The following CABP5 variants were observed in gnomAD, a reference collection of about 807,000 sequenced individuals.
CABP5 encodes calcium binding protein 5, also known as calcium-binding protein 5.
In CABP5, 17 loss-of-function variants were observed where a neutral mutation model predicts 21.9. That is an observed-to-expected ratio of 0.78 (90% CI 0.53 to 1.17). CABP5 has a LOEUF of 1.17. Ranked by LOEUF, CABP5 falls within the 50% of genes most tolerant of loss-of-function variation. The probability of loss-of-function intolerance (pLI) is 0.00; values close to 1 mark genes in which losing one functional copy is unlikely to be tolerated. For missense variants in CABP5, 229 were observed against 228.9 expected (o/e 1.00, Z 0.00); for synonymous variants, 85 against 79.4 (o/e 1.07, Z -0.37).
At chr19:48,036,314 T>C (rs1281443830) in intron 4 of CABP5, among the ~76,000 whole-genome samples, 1 of 152,222 alleles carries the variant, frequency 6.6e-6, no homozygotes, top group East Asian at 1.9e-4. Context: ...ACCTGGCTTA[T>C]TTCACCCAGC....
Position 48,034,174 on chromosome 19 carries a change from G to T in CABP5, c.496+41C>A, listed in dbSNP as rs776250027. 2.0e-6 allele frequency: 3 copies of T among 1,474,904 alleles called. No individual in the cohort carries two copies. The South Asian group carries it at 4.2e-5, about 21-fold the overall frequency. The allele number at this position is 1,474,904 out of a possible 1,614,324, so 91.4% of individuals were successfully genotyped here. A position where few individuals can be genotyped will look rare whatever the true frequency, so the allele number is the denominator to read the frequency against. On this transcript the variant is annotated intron_variant, in intron 5 of 5. Transcript: ENST00000293255. ...CAGTGAGTTGGAAGTGGATTCCTGC[G>T]GTGGCTGCCCCCGCTCCCCACCACG...
At chr19:48,038,808 A>G (rs562385851) in intron 4 of CABP5, among the ~76,000 whole-genome samples, 26 of 152,124 alleles carry the variant, frequency 1.7e-4, no homozygotes, top group African/African-American at 5.8e-4. Flanking sequence ...GCCTGGGGAC[A>G]ACAGTGAAAC....
intron 4 of CABP5, among the ~76,000 whole-genome samples, chr19:48,035,365 A>G (rs1967395570): frequency 6.6e-6 from 1 of 152,242 alleles, no homozygotes; most frequent in Non-Finnish European, 1.5e-5. Context: ...TGGGAGGCCA[A>G]GGCGGGTGGA....
At chr19:48,032,199 T>A (rs1369613007) in intron 5 of CABP5, among the ~76,000 whole-genome samples, 1 of 151,756 alleles carries the variant, frequency 6.6e-6, no homozygotes, top group Non-Finnish European at 1.5e-5. Context: ...GGAACGGAGG[T>A]TGGAGAACAT....
At position 48,034,297 on chromosome 19, in the gene CABP5, C is replaced by G. The variant is rs752374441; in HGVS notation, c.414G>C (p.Leu138=). ...VELQQAMQRL[L]GERLTPREIS... ...TCTCCCGGGGGGTGAGCCGCTCCCC[C>G]AGGAGTCTCTGCATGGCCTGCTGTA... The change falls in exon 5 of 6, where the codon CTG becomes CTC. Residue 138 remains leucine, a synonymous_variant. Transcript: ENST00000293255. 3 of 1,609,516 alleles carry G rather than the reference C, an allele frequency of 1.9e-6. No homozygotes were observed. Among genetic ancestry groups the G allele is most frequent in the Admixed American group, 1.7e-5 (1 of 59,142 alleles).
chr19:48,041,419 G>A (rs886879439), intron 2 of CABP5, 154 bp downstream of exon 2: 6 of 756,716 alleles, frequency 7.9e-6, no homozygotes, highest in African/African-American at 1.8e-5. Context: ...CAACTGCCAC[G>A]AGAAAGAGTT....
chr19:48,039,127 G>T, intron 4 of CABP5, 81 bp downstream of exon 4: 2 of 1,117,706 alleles, frequency 1.8e-6, no homozygotes, highest in Non-Finnish European at 1.4e-6. Context: ...GGTGGGTGCT[G>T]TCCATGGCAT....
intron 1 of CABP5, among the ~76,000 whole-genome samples, chr19:48,043,598 T>C (rs1170256406): frequency 5.8e-5 from 1 of 17,286 alleles, no homozygotes; most frequent in Non-Finnish European, 1.3e-4. Flanking sequence ...ATCTCAACAA[T>C]GACATCATCC....
chr19:48,039,310 G>T lies in CABP5; in HGVS notation c.246C>A (p.Gly82=). ...LGQQIRMNLG[G]RVDFDDFVEL... ...CCACAAAGTCATCAAAGTCTACACG[G>T]CCACCCACTGAGGAAGATGGCACAG... The change falls in exon 4 of 6, where the codon GGC becomes GGA. Residue 82 remains glycine, a synonymous_variant. Transcript: ENST00000293255. 1 of 1,613,680 alleles carries T rather than the reference G, an allele frequency of 6.2e-7. No homozygotes were observed. Among genetic ancestry groups the T allele is most frequent in the African/African-American group, 1.3e-5 (1 of 75,018 alleles).
In CABP5 at chr19:48,041,559, G is replaced by A; in HGVS notation, c.94+14C>T. ...GGATGGCAACGTGGAAGCAACTGGGGAAGACGGTGTTACCTTCAATCTCAT... is the reference window on the plus strand; with the variant it reads ...GGATGGCAACGTGGAAGCAACTGGGAAAGACGGTGTTACCTTCAATCTCAT... On this transcript the variant is annotated intron_variant, in intron 2 of 5. Transcript: ENST00000293255. The A allele has an allele frequency of 6.2e-7, 1 of 1,612,288 alleles. No homozygotes were observed. The highest frequency in any genetic ancestry group is 8.5e-7 in the Non-Finnish European group (1 of 1,179,406).
rs144727703 is a variant in CABP5 at position 48,030,929 on chromosome 19, A to G, written c.497-347T>C. Among the ~76,000 whole-genome samples, 505 of 152,130 alleles carry G rather than the reference A, an allele frequency of 3.3e-3. 3 individuals are homozygous for G. Among genetic ancestry groups the G allele is most frequent in the African/African-American group, 0.012 (481 of 41,502 alleles). The stretch of plus-strand genomic sequence containing the variant: ...GATCGCTTGAGCCCAGGAGTTCGAG[A>G]CCAGCCTGGGCAACATAGCGACACC... On this transcript the variant is annotated intron_variant, in intron 5 of 5. Transcript: ENST00000293255.
chr19:48,036,688 G>A (rs76881010), intron 4 of CABP5, among the ~76,000 whole-genome samples: 12,486 of 151,590 alleles, frequency 0.082, 568 homozygotes, highest in South Asian at 0.11. Flanking sequence ...TAATAACTAT[G>A]GGCAAAAGAC....
chr19:48,040,524 A>G (rs111650112), intron 3 of CABP5, 81 bp downstream of exon 3: 6 of 1,487,712 alleles, frequency 4.0e-6, no homozygotes, highest in Non-Finnish European at 5.6e-6. Context: ...CCCCAACTCT[A>G]CTCTTAACCT....
Position 48,041,697 on chromosome 19 carries a change from C to T in CABP5, c.64-94G>A, listed in dbSNP as rs950841618. The T allele has an allele frequency of 4.0e-5, 46 of 1,151,320 alleles. No individual in the cohort carries two copies. In the East Asian group the frequency reaches 4.5e-4, roughly 11 times the overall value. 71.3% of individuals were successfully genotyped at this position (1,151,320 alleles called of 1,614,324 possible). A position where few individuals can be genotyped will look rare whatever the true frequency, so the allele number is the denominator to read the frequency against. ...TCTCCCAAGCTCCTCCCCACGCTCT[C>T]GTGGTTCTCTTTCCATTCTCTCTCT... On this transcript the variant is annotated intron_variant, in intron 1 of 5. Coordinates refer to ENST00000293255, the MANE Select transcript of CABP5 (RefSeq NM_019855.5).
intron 4 of CABP5, 98 bp downstream of exon 4, chr19:48,039,110 C>T: frequency 1.1e-6 from 1 of 873,868 alleles, no homozygotes; most frequent in Non-Finnish European, 1.9e-6. Flanking sequence ...AAGGTGGGGG[C>T]CTGGTTGGTG....
intron 4 of CABP5, among the ~76,000 whole-genome samples, chr19:48,037,907 C>G (rs1967431502): frequency 6.6e-6 from 1 of 152,060 alleles, no homozygotes; most frequent in Non-Finnish European, 1.5e-5. Flanking sequence ...ACTTCTCAAT[C>G]CAGACAACTT....
intron 4 of CABP5, 21 bp from the exon 5 acceptor site, chr19:48,034,383 AT>A: frequency 1.5e-5 from 23 of 1,484,228 alleles, no homozygotes; most frequent in Non-Finnish European, 2.1e-5. Context: ...GCAGAAATAG[AT>A]TATATCAGCA....
rs1190684858 is a variant in CABP5, at chr19:48,044,003, T to C, written c.-81A>G. 2.4e-6 allele frequency: 3 copies of C among 1,255,808 alleles called. No individual in the cohort carries two copies. Among genetic ancestry groups the C allele is most frequent in the Admixed American group, 2.9e-5 (1 of 34,524 alleles). 77.8% of individuals were successfully genotyped at this position (1,255,808 alleles called of 1,614,324 possible). On this transcript the variant is annotated 5_prime_UTR_variant, in exon 1 of 6. The change creates a new upstream start codon in the 5' untranslated region. Coordinates refer to ENST00000293255, the MANE Select transcript of CABP5 (RefSeq NM_019855.5). Reference sequence around the variant, plus strand: ...GCTCCCTGTCGGAGCTCAGCCTCCTTATCTTCTCCAGCACTCCTTTGCCAC... The same window carrying C: ...GCTCCCTGTCGGAGCTCAGCCTCCTCATCTTCTCCAGCACTCCTTTGCCAC...
chr19:48,043,381 T>C (rs1967506987), intron 1 of CABP5, among the ~76,000 whole-genome samples: 1 of 150,422 alleles, frequency 6.6e-6, no homozygotes, highest in African/African-American at 2.5e-5. Flanking sequence ...TCCTCACCTG[T>C]AAAATGGGAA....
Sources: gnomAD v4.1 joint callset for allele counts (sites outside exome capture counted in the v4.1 genomes callset) on GRCh38, gnomAD v4.1.1 for gene constraint, MANE v1.5 for transcripts, NCBI Gene and HGNC (gene_info 2026-07-23, HGNC 2026-07-21) for gene names.